The following HYDIN variants were observed in gnomAD, a reference collection of about 807,000 sequenced individuals.
HYDIN encodes HYDIN axonemal central pair apparatus protein.
A neutral mutation model predicts 403.9 loss-of-function variants in HYDIN; 132 were observed. The ratio of observed to expected loss-of-function variants is 0.33; its 90% CI spans 0.28 to 0.38. HYDIN has a LOEUF of 0.38. Among genes scored for constraint, HYDIN ranks in the 10% least tolerant of loss-of-function variants. The pLI is 1.00. For synonymous variants in HYDIN, 1,202 were observed against 1,891.7 expected (o/e 0.64, Z 9.46); for missense variants, 2,827 against 5,009.5 (o/e 0.56, Z 13.15).
chr16:70,948,785 A>G (rs1323199307), intron 41 of HYDIN, among the ~76,000 whole-genome samples: 5 of 151,388 alleles, frequency 3.3e-5, no homozygotes, highest in Admixed American at 6.6e-5. Flanking sequence ...TTAGAATGGC[A>G]ATCATTAAAA....
intron 40 of HYDIN, among the ~76,000 whole-genome samples, chr16:70,953,259 G>A (rs1257640885): frequency 6.6e-6 from 1 of 151,688 alleles, no homozygotes; most frequent in Non-Finnish European, 1.5e-5. Flanking sequence ...TTTATTATGT[G>A]TCAACTATGC....
intron 59 of HYDIN, 65 bp downstream of exon 59, chr16:70,883,855 G>A: frequency 6.5e-7 from 1 of 1,544,346 alleles, no homozygotes; most frequent in Non-Finnish European, 8.9e-7. Flanking sequence ...ACAAGCGTGA[G>A]CCACTGCACC....
intron 3 of HYDIN, among the ~76,000 whole-genome samples, chr16:71,184,281 A>C (rs145502357): frequency 6.6e-6 from 1 of 152,292 alleles, no homozygotes; most frequent in African/African-American, 2.4e-5. Context: ...TAATTTGTGC[A>C]TTAAAAGTAA....
chr16:70,925,994 C>T (rs1389457013), intron 45 of HYDIN, among the ~76,000 whole-genome samples: 1 of 149,278 alleles, frequency 6.7e-6, no homozygotes, highest in Admixed American at 6.7e-5. Flanking sequence ...GAAATAGGAA[C>T]ACTTTTACAC....
chr16:71,165,659 C>T (rs1343012802), intron 5 of HYDIN, among the ~76,000 whole-genome samples: 4 of 151,876 alleles, frequency 2.6e-5, no homozygotes, highest in African/African-American at 9.7e-5. Flanking sequence ...GGTAACAGAA[C>T]ATTTGGTAGT....
At chr16:70,967,498 T>C (rs1379796592) in intron 36 of HYDIN, among the ~76,000 whole-genome samples, 1 of 151,854 alleles carries the variant, frequency 6.6e-6, no homozygotes, top group Admixed American at 6.6e-5. Flanking sequence ...TTTTTTTTTT[T>C]TGAGACAGAG....
chr16:70,956,756 C>T (rs1368842303), intron 39 of HYDIN, among the ~76,000 whole-genome samples: 1 of 152,120 alleles, frequency 6.6e-6, no homozygotes, highest in Admixed American at 6.5e-5. Context: ...GGAACACAGC[C>T]ATGCTCACCC....
At chr16:70,982,427 A>T (rs1253325409) in intron 28 of HYDIN, among the ~76,000 whole-genome samples, 1 of 151,174 alleles carries the variant, frequency 6.6e-6, no homozygotes, top group Non-Finnish European at 1.5e-5. Flanking sequence ...CCCATTCAGG[A>T]AATAGAAGAG....
intron 1 of HYDIN, among the ~76,000 whole-genome samples, chr16:71,190,362 G>A (rs963953986): frequency 1.2e-4 from 17 of 147,258 alleles, no homozygotes; most frequent in African/African-American, 2.7e-4. Flanking sequence ...AAAAAAAGTC[G>A]GCAATAGATC....
chr16:71,162,810 A>G (rs1157977079), intron 5 of HYDIN, 80 bp from the exon 6 acceptor site: 2 of 588,346 alleles, frequency 3.4e-6, no homozygotes, highest in African/African-American at 1.9e-5. Context: ...GGTCGATGAG[A>G]GGCATTTTGC....
chr16:71,011,449 G>T (rs1329111412), intron 23 of HYDIN, among the ~76,000 whole-genome samples: 1 of 152,062 alleles, frequency 6.6e-6, no homozygotes, highest in East Asian at 1.9e-4. Flanking sequence ...GCTCACACTT[G>T]TAATCCTAGC....
chr16:70,824,868 T>C (rs783900), intron 83 of HYDIN, among the ~76,000 whole-genome samples: 1 of 152,202 alleles, frequency 6.6e-6, no homozygotes, highest in Non-Finnish European at 1.5e-5. Context: ...TTCTTTTTTT[T>C]GAGACACAGT....
intron 35 of HYDIN, among the ~76,000 whole-genome samples, chr16:70,972,773 C>T (rs2078769604): frequency 6.6e-6 from 1 of 152,200 alleles, no homozygotes; most frequent in South Asian, 2.1e-4. Flanking sequence ...CCCTATGTTA[C>T]CTAATACCCT....
intron 1 of HYDIN, among the ~76,000 whole-genome samples, chr16:71,217,318 C>G (rs920509482): frequency 3.9e-5 from 6 of 152,110 alleles, no homozygotes; most frequent in African/African-American, 4.8e-5. Flanking sequence ...ATACAGGTAC[C>G]TCTACATTGA....
At chr16:71,213,536 G>A (rs114874355) in intron 1 of HYDIN, among the ~76,000 whole-genome samples, 2,685 of 152,122 alleles carry the variant, frequency 0.018, 81 homozygotes, top group African/African-American at 0.061. Flanking sequence ...GAGTGACAAT[G>A]CCCAAACTAG....
intron 1 of HYDIN, among the ~76,000 whole-genome samples, chr16:71,201,206 C>T (rs2087989860): frequency 6.6e-6 from 1 of 152,128 alleles, no homozygotes; most frequent in Non-Finnish European, 1.5e-5. Context: ...AGAGAGCAAG[C>T]TTCAGGAGGT....
intron 45 of HYDIN, among the ~76,000 whole-genome samples, chr16:70,926,518 G>A (rs1020931281): frequency 1.3e-5 from 2 of 151,932 alleles, no homozygotes; most frequent in African/African-American, 2.4e-5. Context: ...GCTAAATGAC[G>A]AGTTAATGGG....
chr16:70,914,647 T>C (rs899798167), intron 47 of HYDIN, among the ~76,000 whole-genome samples: 27 of 117,596 alleles, frequency 2.3e-4, no homozygotes, highest in African/African-American at 7.7e-4. Flanking sequence ...ATTTTCCAGG[T>C]GTTCTTTGTG....
At chr16:71,212,235 T>C (rs185374191) in intron 1 of HYDIN, among the ~76,000 whole-genome samples, 87 of 152,334 alleles carry the variant, frequency 5.7e-4, no homozygotes, top group Non-Finnish European at 1.1e-3. Flanking sequence ...AACAGTATTG[T>C]GGTTATGCAA....
Sources: allele counts gnomAD v4.1 joint callset (sites outside exome capture counted in the v4.1 genomes callset), GRCh38; gene constraint gnomAD v4.1.1; transcripts MANE v1.5; gene names NCBI Gene and HGNC (gene_info 2026-07-23, HGNC 2026-07-21).